BAZ1B: variants seen among roughly 807,000 people sequenced by gnomAD.
The protein encoded by BAZ1B is tyrosine-protein kinase BAZ1B.
A neutral mutation model predicts 153.8 loss-of-function variants in BAZ1B; 22 were observed. The observed-to-expected ratio is 0.14, with a 90% CI of 0.10 to 0.20. The LOEUF is 0.20. BAZ1B is among the 10% of genes least tolerant of loss of function. BAZ1B has a pLI of 1.00. For missense variants in BAZ1B, 1,325 were observed against 1,799.3 expected (o/e 0.74, Z 4.77); for synonymous variants, 676 against 633.4 (o/e 1.07, Z -1.01).
At chr7:73,501,209 T>G (rs1372959007) in intron 3 of BAZ1B, among the ~76,000 whole-genome samples, 1 of 152,018 alleles carries the variant, frequency 6.6e-6, no homozygotes, top group Non-Finnish European at 1.5e-5. Flanking sequence ...TGAGCCAAGA[T>G]CACGCCATTG....
chr7:73,499,569 G>C (rs1443750643), intron 3 of BAZ1B, among the ~76,000 whole-genome samples: 1 of 152,142 alleles, frequency 6.6e-6, no homozygotes, highest in Non-Finnish European at 1.5e-5. Context: ...AAGCATGATG[G>C]CGTGTTCCCA....
At chr7:73,465,921 C>A (rs528483625) in intron 10 of BAZ1B, among the ~76,000 whole-genome samples, 3 of 152,206 alleles carry the variant, frequency 2.0e-5, no homozygotes, top group African/African-American at 7.2e-5. Context: ...TGCCTAAAAG[C>A]AGAAATGCGC....
intron 3 of BAZ1B, among the ~76,000 whole-genome samples, chr7:73,502,939 C>T (rs536691491): frequency 1.1e-4 from 17 of 152,310 alleles, no homozygotes; most frequent in East Asian, 9.6e-4. Context: ...TATTCTTCTG[C>T]GACTTCTTTC....
At chr7:73,497,157 C>T (rs929782738) in intron 4 of BAZ1B, among the ~76,000 whole-genome samples, 1 of 150,766 alleles carries the variant, frequency 6.6e-6, no homozygotes, top group Non-Finnish European at 1.5e-5. Flanking sequence ...GTGGCAGGAT[C>T]GCTTCGGCCA....
chr7:73,482,055 AAAC>A (rs1554573773), intron 6 of BAZ1B, among the ~76,000 whole-genome samples: 1 of 152,100 alleles, frequency 6.6e-6, no homozygotes, highest in Non-Finnish European at 1.5e-5. Flanking sequence ...ACAAACAAAC[AAAC>A]AAAAAGAAAC....
intron 6 of BAZ1B, among the ~76,000 whole-genome samples, chr7:73,478,837 T>C: frequency 6.6e-6 from 1 of 152,320 alleles, no homozygotes. Flanking sequence ...TTAATGATTC[T>C]TAAATATTTA....
intron 9 of BAZ1B, among the ~76,000 whole-genome samples, chr7:73,469,257 C>T (rs1351024828): frequency 2.0e-5 from 3 of 152,148 alleles, no homozygotes; most frequent in African/African-American, 7.2e-5. Context: ...GAAAACTGCT[C>T]CTATAAAAGC....
chr7:73,442,467 G>A lies in BAZ1B; in HGVS notation c.4181C>T (p.Ser1394Phe). Residue 1394 changes from serine to phenylalanine, a missense_variant, in exon 19 of 20, where the codon TCC (serine) becomes TTC (phenylalanine). By Grantham distance (155) the Ser-to-Phe change is radical (BLOSUM62 -2). Coordinates refer to ENST00000339594, the MANE Select transcript of BAZ1B (RefSeq NM_032408.4). ...CTGCACAGAGCGGTAGCTCCCACAGGAACATTTGTTCTGCACTGTCTGAAA... is the reference window on the plus strand; with the variant it reads ...CTGCACAGAGCGGTAGCTCCCACAGAAACATTTGTTCTGCACTGTCTGAAA... Reference protein sequence around the residue: ...MDFQTVQNKCSCGSYRSVQEF... With the variant: ...MDFQTVQNKCFCGSYRSVQEF... The A allele has an allele frequency of 1.2e-6, 2 of 1,614,228 alleles. No individual in the cohort carries two copies. The highest frequency in any genetic ancestry group is 1.7e-6 in the Non-Finnish European group (2 of 1,180,042).
chr7:73,478,107 G>C lies in BAZ1B; in HGVS notation c.1354C>G (p.Arg452Gly). Residue 452 changes from arginine (R) to glycine (G), a missense_variant, in exon 7 of 20, where the codon CGA (arginine) becomes GGA (glycine). Transcript: ENST00000339594. The part of the protein sequence containing the change: ...DMAKGTQKMT[R>G]APRNSGGTPR... ...GTACCCCCAGAATTCCGTGGGGCTC[G>C]TGTCATCTTCTGCGTGCCTTTGGCC... 9.9e-6 allele frequency: 16 copies of C among 1,614,164 alleles called. No homozygotes were observed. The highest frequency in any genetic ancestry group is 1.4e-5 in the Non-Finnish European group (16 of 1,180,026).
rs555173343 is a variant in BAZ1B at position 73,508,246 on chromosome 7, C to T, written c.369+81G>A. 14 of 1,414,770 alleles carry T rather than the reference C, an allele frequency of 9.9e-6. No individual in the cohort carries two copies. The East Asian group carries it at 3.0e-4, about 30-fold the overall frequency. 87.6% of individuals were successfully genotyped at this position (1,414,770 alleles called of 1,614,324 possible). On this transcript the variant is annotated intron_variant, in intron 3 of 19. Coordinates refer to ENST00000339594, the MANE Select transcript of BAZ1B (RefSeq NM_032408.4). ...ATACTAAATATAACACAGTTTTACA[C>T]ACATAGAAATGTGTTCTGTAACCTA...
chr7:73,447,301 C>T lies in BAZ1B; in HGVS notation c.3807G>A (p.Glu1269=). ...CCACCTCATAATCTTCTTCCTCCTC[C>T]TCCTCTTCTTCCTCCTCCTCCTCTT... ...SDEEEEEEEE[E]EEEEDYEVAG... is the part of the protein sequence containing the mutation. The change falls in exon 16 of 20, where the codon GAG becomes GAA. Residue 1269 remains glutamate (E), a synonymous_variant. Coordinates refer to ENST00000339594, the MANE Select transcript of BAZ1B (RefSeq NM_032408.4). The T allele has an allele frequency of 6.2e-7, 1 of 1,608,686 alleles. No homozygotes were observed. Among genetic ancestry groups the T allele is most frequent in the Non-Finnish European group, 8.5e-7 (1 of 1,175,062 alleles).
At chr7:73,444,213 G>C in intron 16 of BAZ1B, 84 bp from the exon 17 acceptor site, 1 of 1,418,982 alleles carries the variant, frequency 7.0e-7, no homozygotes, top group South Asian at 1.5e-5. Context: ...GGGATGCAGG[G>C]AGAATCCTTT....
At chr7:73,491,868 C>A (rs1437192486) in intron 5 of BAZ1B, among the ~76,000 whole-genome samples, 1 of 152,166 alleles carries the variant, frequency 6.6e-6, no homozygotes, top group African/African-American at 2.4e-5. Context: ...TGTGCATTGC[C>A]TTCCACACCC....
rs537635889 is a variant in BAZ1B, at chr7:73,466,216, T to C, written c.2972+80A>G. 31 of 971,074 alleles carry C rather than the reference T, an allele frequency of 3.2e-5. 3 individuals carry two copies. The South Asian group carries it at 4.3e-4, about 14-fold the overall frequency. 60.2% of individuals were successfully genotyped at this position (971,074 alleles called of 1,614,324 possible). ...CCTGCGCAAATAATTATTAACTCAC[T>C]GGCATCACTATACTAAATACTTTCT... On this transcript the variant is annotated intron_variant, in intron 10 of 19. Transcript: ENST00000339594.
intron 12 of BAZ1B, chr7:73,462,569 C>A: frequency 3.6e-6 from 1 of 277,968 alleles, no homozygotes; most frequent in Admixed American, 5.1e-5. Context: ...TGGGCAAGTG[C>A]AGGATATGCA....
rs369392815 is a variant in BAZ1B, at chr7:73,489,389, G to A, written c.696C>T (p.Ile232=). 2.2e-4 allele frequency: 355 copies of A among 1,613,974 alleles called. No homozygotes were observed. Among genetic ancestry groups the A allele is most frequent in the Non-Finnish European group, 2.9e-4 (341 of 1,180,022 alleles). ...YDVKLQNEDK[I]ISNVPADSLI... is the part of the protein sequence containing the mutation. The stretch of plus-strand genomic sequence containing the variant: ...AGCTGTCTGCTGGCACGTTACTGAT[G>A]ATCTAGGTTAAAAAGAAACAAATAA... Residue 232 remains isoleucine (I), a splice_region_variant and synonymous_variant, in exon 6 of 20, where the codon ATC becomes ATT. Coordinates refer to ENST00000339594, the MANE Select transcript of BAZ1B (RefSeq NM_032408.4).
In BAZ1B at chr7:73,450,726, A is replaced by G; in HGVS notation, c.3580+121T>C. 1.6e-6 allele frequency: 2 copies of G among 1,222,342 alleles called. No homozygotes were observed. Among genetic ancestry groups the G allele is most frequent in the South Asian group, 2.9e-5 (2 of 68,004 alleles). 75.7% of individuals were successfully genotyped at this position (1,222,342 alleles called of 1,614,324 possible). A position where few individuals can be genotyped will look rare whatever the true frequency, so the allele number is the denominator to read the frequency against. On this transcript the variant is annotated intron_variant, in intron 14 of 19. Coordinates refer to ENST00000339594, the MANE Select transcript of BAZ1B (RefSeq NM_032408.4). The surrounding 1 kb of genome is among the most constrained non-coding windows in gnomAD (Gnocchi z 4.1). The stretch of plus-strand genomic sequence containing the variant: ...GCATGTTACAGACCTGCAGGAGAGT[A>G]AAATCTATACCACACTTATATTCTG...
intron 13 of BAZ1B, among the ~76,000 whole-genome samples, chr7:73,459,255 A>C (rs1482350866): frequency 6.6e-6 from 1 of 151,840 alleles, no homozygotes; most frequent in Non-Finnish European, 1.5e-5. Flanking sequence ...TCAAAAAAAA[A>C]AAAACAAAAA....
intron 4 of BAZ1B, among the ~76,000 whole-genome samples, chr7:73,497,170 A>C (rs781860388): frequency 6.7e-6 from 1 of 150,236 alleles, no homozygotes; most frequent in Non-Finnish European, 1.5e-5. Flanking sequence ...TTCGGCCAGG[A>C]ATGTCGAGGC....
Sources: gnomAD v4.1 joint callset for allele counts (sites outside exome capture counted in the v4.1 genomes callset) on GRCh38, gnomAD v4.1.1 for gene constraint, Gnocchi (gnomAD v3.1) non-coding constraint, MANE v1.5 for transcripts, NCBI Gene and HGNC (gene_info 2026-07-23, HGNC 2026-07-21) for gene names.